Variants in HGF observed in about 807,000 individuals in gnomAD.
HGF encodes the protein fibroblast-derived tumor cytotoxic factor.
In HGF, 39 loss-of-function variants were observed where a neutral mutation model predicts 111.6. The ratio of observed to expected loss-of-function variants is 0.35; its 90% CI spans 0.27 to 0.46. The LOEUF (loss-of-function observed/expected upper bound fraction) is 0.46. HGF is among the 20% of genes least tolerant of loss of function. The pLI is 1.00. For missense variants in HGF, 735 were observed against 910.5 expected (o/e 0.81, Z 2.48); for synonymous variants, 285 against 294.8 (o/e 0.97, Z 0.34).
chr7:81,767,180 T>C (rs1789399000), intron 1 of HGF, among the ~76,000 whole-genome samples: 2 of 152,082 alleles, frequency 1.3e-5, no homozygotes, highest in Non-Finnish European at 2.9e-5. Context: ...CTCTCAACCA[T>C]AGTACAAAGT....
intron 6 of HGF, 92 bp from the exon 7 acceptor site, chr7:81,743,563 C>A: frequency 1.2e-6 from 1 of 842,466 alleles, no homozygotes; most frequent in South Asian, 1.3e-5. Context: ...CTTAGGTTGT[C>A]TACACCTAGC....
chr7:81,750,976 A>G, intron 5 of HGF: 6 of 955,918 alleles, frequency 6.3e-6, no homozygotes, highest in South Asian at 4.9e-5. Flanking sequence ...TATGATATGG[A>G]ATGGAAAGTA....
Position 81,744,303 on chromosome 7 carries a change from ATTTT to A in HGF, c.746+693_746+696del, listed in dbSNP as rs199738928. On this transcript the variant is annotated intron_variant, in intron 6 of 17. Transcript: ENST00000222390. ...AAATACATGGGCAAAAGTAGACATG[ATTTT>A]TTTTTTTTTTTTGGCGGAGATGGGT... Among the ~76,000 whole-genome samples, 382 of 146,406 alleles carry A rather than the reference ATTTT, an allele frequency of 2.6e-3. 1 individual carries two copies. The highest frequency in any genetic ancestry group is 2.6e-3 in the Admixed American group (38 of 14,724).
chr7:81,702,471 C>T lies in HGF; in HGVS notation c.*110G>A. The T allele has an allele frequency of 1.2e-6, 1 of 852,486 alleles. No individual in the cohort carries two copies. The highest frequency in any genetic ancestry group is 2.0e-6 in the Non-Finnish European group (1 of 512,268). The allele number at this position is 852,486 out of a possible 1,614,324, so 52.8% of individuals were successfully genotyped here. ...GAGAATTTCAACAAACATGACTCTC[C>T]AGTAGTTGTCTTAGGATTGTTGTAA... is the stretch of plus-strand genomic sequence containing the variant. On this transcript the variant is annotated 3_prime_UTR_variant, in exon 18 of 18. Transcript: ENST00000222390.
intron 9 of HGF, 38 bp downstream of exon 9, chr7:81,725,852 A>G: frequency 6.2e-7 from 1 of 1,612,348 alleles, no homozygotes; most frequent in Non-Finnish European, 8.5e-7. Flanking sequence ...TTTCCCCTGA[A>G]TTTAATCATG....
At chr7:81,750,029 C>T (rs2116092493) in intron 5 of HGF, among the ~76,000 whole-genome samples, 1 of 152,062 alleles carries the variant, frequency 6.6e-6, no homozygotes, top group South Asian at 2.1e-4. Context: ...AATTTGTATC[C>T]ATGGATAGAA....
chr7:81,722,854 T>TATATATATATATATATATATATACAC (rs1256240012), intron 9 of HGF, among the ~76,000 whole-genome samples: 2 of 145,742 alleles, frequency 1.4e-5, no homozygotes, highest in African/African-American at 5.3e-5. Flanking sequence ...GGTATATATA[T>TATATATATATATATATATATATACAC]ATATATATGT....
At chr7:81,767,932 A>G (rs1789445805) in intron 1 of HGF, among the ~76,000 whole-genome samples, 3 of 152,212 alleles carry the variant, frequency 2.0e-5, no homozygotes, top group Admixed American at 6.5e-5. Context: ...GTTATTAAAA[A>G]AAACTATCAA....
chr7:81,723,450 A>AT (rs1486814193), intron 9 of HGF, among the ~76,000 whole-genome samples: 1 of 151,996 alleles, frequency 6.6e-6, no homozygotes, highest in African/African-American at 2.4e-5. Flanking sequence ...TTTGGTTACA[A>AT]TTTTCTGACT....
intron 10 of HGF, among the ~76,000 whole-genome samples, chr7:81,717,578 A>G (rs1789746962): frequency 1.3e-5 from 2 of 152,146 alleles, no homozygotes; most frequent in Non-Finnish European, 2.9e-5. Flanking sequence ...ACTTGGAAAT[A>G]TGGAAGAGGG....
intron 9 of HGF, among the ~76,000 whole-genome samples, chr7:81,721,246 C>CA (rs1453621048): frequency 3.5e-5 from 5 of 144,700 alleles, no homozygotes; most frequent in Non-Finnish European, 7.4e-5. Flanking sequence ...GACTCCGTCT[C>CA]AAAACAAAAA....
At chr7:81,748,981 G>A (rs1203546690) in intron 5 of HGF, among the ~76,000 whole-genome samples, 1 of 152,098 alleles carries the variant, frequency 6.6e-6, no homozygotes, top group Non-Finnish European at 1.5e-5. Context: ...TTTTTAATTA[G>A]TGTTTGTTTT....
chr7:81,705,870 TAAAAA>T, intron 15 of HGF, 117 bp from the exon 16 acceptor site: 31 of 537,720 alleles, frequency 5.8e-5, no homozygotes, highest in Middle Eastern at 5.0e-4. Flanking sequence ...TCCTGTTTCT[TAAAAA>T]AAAAAAAAAA....
chr7:81,751,954 A>C (rs756801479), intron 5 of HGF, 166 bp downstream of exon 5: 473 of 1,427,906 alleles, frequency 3.3e-4, no homozygotes, highest in Non-Finnish European at 3.9e-4. Context: ...ATAATCCAAC[A>C]GTTTTAAAAA....
At chr7:81,744,196 G>A (rs1788128844) in intron 6 of HGF, among the ~76,000 whole-genome samples, 1 of 151,968 alleles carries the variant, frequency 6.6e-6, no homozygotes, top group Non-Finnish European at 1.5e-5. Flanking sequence ...GGAATTTCCT[G>A]TGTAATTATT....
Position 81,707,382 on chromosome 7 carries a change from G to C in HGF, c.1542-18C>G, listed in dbSNP as rs1445264718. The C allele has an allele frequency of 2.1e-6, 3 of 1,461,856 alleles. No homozygotes were observed. The African/African-American group carries it at 4.2e-5, about 20-fold the overall frequency. 90.6% of individuals were successfully genotyped at this position (1,461,856 alleles called of 1,614,324 possible). ...GTTTATTTCTGTGAAAAAGAGGAAA[G>C]AGAAACAAGTAACATCTGTGCAGAA... On this transcript the variant is annotated intron_variant, in intron 13 of 17. Coordinates refer to ENST00000222390, the MANE Select transcript of HGF (RefSeq NM_000601.6).
chr7:81,722,541 G>A (rs571420528), intron 9 of HGF, among the ~76,000 whole-genome samples: 9 of 151,642 alleles, frequency 5.9e-5, no homozygotes, highest in Admixed American at 1.3e-4. Context: ...GGTCAGGCGC[G>A]GTGGCTCACA....
intron 10 of HGF, among the ~76,000 whole-genome samples, chr7:81,718,505 A>G (rs1789772552): frequency 6.6e-6 from 1 of 152,182 alleles, no homozygotes; most frequent in South Asian, 2.1e-4. Context: ...TCCTACTTAC[A>G]AAGTTTGTCC....
intron 13 of HGF, 25 bp downstream of exon 13, chr7:81,710,122 A>G (rs1258182420): frequency 7.1e-7 from 1 of 1,403,558 alleles, no homozygotes; most frequent in South Asian, 1.2e-5. Context: ...CTGGATATGC[A>G]TGACTTGCAT....
Sources: allele counts gnomAD v4.1 joint callset (sites outside exome capture counted in the v4.1 genomes callset), GRCh38; gene constraint gnomAD v4.1.1; transcripts MANE v1.5; gene names NCBI Gene and HGNC (gene_info 2026-07-23, HGNC 2026-07-21).